The following CSMD1 variants were observed in gnomAD, a reference collection of about 807,000 sequenced individuals.
CSMD1 encodes the protein CUB and sushi domain-containing protein 1.
Under a neutral mutation model 417.5 loss-of-function variants are expected in CSMD1, and 213 were observed. That is an observed-to-expected ratio of 0.51 (90% CI 0.46 to 0.57). The LOEUF (loss-of-function observed/expected upper bound fraction) is 0.57. Ranked by LOEUF, CSMD1 falls within the 20% of genes least tolerant of loss-of-function variation. The pLI is 0.00. For missense variants in CSMD1, 6,923 were observed against 4,529.7 expected (o/e 1.53, Z -15.17); for synonymous variants, 2,862 against 1,736.8 (o/e 1.65, Z -16.11).
intron 1 of CSMD1, among the ~76,000 whole-genome samples, chr8:4,806,244 G>A (rs983756509): frequency 1.3e-5 from 2 of 152,218 alleles, no homozygotes; most frequent in African/African-American, 4.8e-5. Context: ...GCTTACTGAG[G>A]ATCATGCAGT....
intron 5 of CSMD1, among the ~76,000 whole-genome samples, chr8:3,914,924 A>C (rs1184138499): frequency 6.6e-6 from 1 of 152,200 alleles, no homozygotes; most frequent in African/African-American, 2.4e-5. Context: ...TACTGATTGA[A>C]CTAAACACAA....
At chr8:3,697,360 T>TA (rs1277662670) in intron 7 of CSMD1, among the ~76,000 whole-genome samples, 7 of 152,256 alleles carry the variant, frequency 4.6e-5, no homozygotes, top group Admixed American at 4.6e-4. Flanking sequence ...AAGAGATATG[T>TA]ACTTTTTCTG....
intron 7 of CSMD1, among the ~76,000 whole-genome samples, chr8:3,658,633 A>C (rs1351450243): frequency 6.6e-6 from 1 of 151,802 alleles, no homozygotes; most frequent in Non-Finnish European, 1.5e-5. Context: ...AAATACAAAA[A>C]TCAGTTGGGC....
chr8:3,684,162 TAATA>T (rs1256759948), intron 7 of CSMD1, among the ~76,000 whole-genome samples: 1 of 143,100 alleles, frequency 7.0e-6, no homozygotes, highest in South Asian at 2.1e-4. Context: ...ATAATTTATA[TAATA>T]TATATTTACA....
At chr8:2,978,467 A>T in intron 55 of CSMD1, 145 bp downstream of exon 55, 1 of 651,620 alleles carries the variant, frequency 1.5e-6, no homozygotes, top group Non-Finnish European at 2.6e-6. Context: ...CTCGATCTAC[A>T]GCTATCATAA....
At chr8:4,473,208 A>C (rs1247336462) in intron 2 of CSMD1, among the ~76,000 whole-genome samples, 7 of 152,218 alleles carry the variant, frequency 4.6e-5, no homozygotes, top group African/African-American at 1.4e-4. Context: ...TTCAATTATA[A>C]ATGATTAAAA....
At chr8:4,344,382 A>G (rs927578762) in intron 3 of CSMD1, among the ~76,000 whole-genome samples, 1 of 152,082 alleles carries the variant, frequency 6.6e-6, no homozygotes, top group African/African-American at 2.4e-5. Flanking sequence ...CATACGCTCA[A>G]GCTCAGAGAG....
At chr8:4,102,835 G>T (rs1203850219) in intron 3 of CSMD1, among the ~76,000 whole-genome samples, 1 of 152,142 alleles carries the variant, frequency 6.6e-6, no homozygotes, top group Non-Finnish European at 1.5e-5. Context: ...TATCCTGCTT[G>T]ATATCAGGAA....
At chr8:4,201,180 G>T (rs907410528) in intron 3 of CSMD1, among the ~76,000 whole-genome samples, 5 of 152,174 alleles carry the variant, frequency 3.3e-5, no homozygotes, top group Non-Finnish European at 5.9e-5. Flanking sequence ...AAGTACTGTT[G>T]TGTATGCAGA....
At chr8:4,325,091 C>A (rs2128886786) in intron 3 of CSMD1, among the ~76,000 whole-genome samples, 1 of 152,288 alleles carries the variant, frequency 6.6e-6, no homozygotes, top group African/African-American at 2.4e-5. Flanking sequence ...AAAAATCAGA[C>A]ATCAGTAACC....
chr8:3,177,014 G>C (rs117296512), intron 37 of CSMD1, among the ~76,000 whole-genome samples: 6,250 of 152,070 alleles, frequency 0.041, 143 homozygotes, highest in South Asian at 0.083. Flanking sequence ...CTGGGCTCAA[G>C]CGATCCACTC....
intron 3 of CSMD1, among the ~76,000 whole-genome samples, chr8:4,399,759 G>C (rs966529718): frequency 6.6e-6 from 1 of 152,152 alleles, no homozygotes; most frequent in African/African-American, 2.4e-5. Flanking sequence ...TCAGGCTCCT[G>C]AATTTTCCTC....
At chr8:3,832,545 A>C (rs1802437124) in intron 5 of CSMD1, among the ~76,000 whole-genome samples, 1 of 152,206 alleles carries the variant, frequency 6.6e-6, no homozygotes, top group South Asian at 2.1e-4. Context: ...CTTATTGTAT[A>C]TGTCTGAAGC....
chr8:3,691,178 C>G (rs1323639327), intron 7 of CSMD1, among the ~76,000 whole-genome samples: 2 of 152,006 alleles, frequency 1.3e-5, no homozygotes, highest in Admixed American at 6.6e-5. Flanking sequence ...ACCAGCGTGA[C>G]CAACATGGTG....
At chr8:3,179,598 T>G (rs936786578) in intron 37 of CSMD1, among the ~76,000 whole-genome samples, 2 of 152,194 alleles carry the variant, frequency 1.3e-5, no homozygotes, top group Admixed American at 6.5e-5. Context: ...ATAGATGAAT[T>G]ATTTCACTAG....
intron 33 of CSMD1, among the ~76,000 whole-genome samples, chr8:3,195,785 G>C (rs11136588): frequency 6.6e-6 from 1 of 151,884 alleles, no homozygotes. Context: ...AAATGTACAA[G>C]GCTGAACATA....
chr8:3,497,401 CATTTATTTATTT>C (rs56294605), intron 10 of CSMD1, among the ~76,000 whole-genome samples: 3 of 151,472 alleles, frequency 2.0e-5, no homozygotes, highest in African/African-American at 7.3e-5. Context: ...TTTCACTTTC[CATTTATTTATTT>C]ATTTATTTAT....
intron 3 of CSMD1, among the ~76,000 whole-genome samples, chr8:4,400,912 G>C (rs781296866): frequency 2.0e-5 from 3 of 151,840 alleles, no homozygotes; most frequent in East Asian, 3.9e-4. Context: ...ATATTGCAAT[G>C]ACTCAGTACA....
chr8:4,047,711 T>C (rs1218422882), intron 3 of CSMD1, among the ~76,000 whole-genome samples: 2 of 152,116 alleles, frequency 1.3e-5, no homozygotes, highest in East Asian at 3.9e-4. Context: ...AATAGCTCAG[T>C]GGATTTTAAA....
Sources: gnomAD v4.1 joint callset for allele counts (sites outside exome capture counted in the v4.1 genomes callset) on GRCh38, gnomAD v4.1.1 for gene constraint, MANE v1.5 for transcripts, NCBI Gene and HGNC (gene_info 2026-07-23, HGNC 2026-07-21) for gene names.